The following LNX2 variants were observed in gnomAD, a reference collection of about 807,000 sequenced individuals.
The protein encoded by LNX2 is ligand of Numb protein X 2.
A neutral mutation model predicts 66.2 loss-of-function variants in LNX2; 35 were observed. That is an observed-to-expected ratio of 0.53 (90% CI 0.40 to 0.70). The LOEUF is 0.70. Ranked by LOEUF, LNX2 falls within the 30% of genes least tolerant of loss-of-function variation. LNX2 has a pLI of 0.00. For synonymous variants in LNX2, 337 were observed against 315.6 expected, an observed-to-expected ratio of 1.07 and a Z score of -0.72; for missense variants, 791 against 850.8, an observed-to-expected ratio of 0.93 and a Z score of 0.87.
At position 27,595,977 on chromosome 13, in the gene LNX2, C is replaced by T. The variant is rs575222208; in HGVS notation, c.-100-14174G>A. ...TGCTAAGACGAAGCCAACACTGAGG[C>T]TCAGAAAAGGAACAAGTAGGTGGCT... is the stretch of plus-strand genomic sequence containing the variant. On this transcript the variant is annotated intron_variant, in intron 1 of 9. Transcript: ENST00000316334. Among the ~76,000 whole-genome samples the T allele has an allele frequency of 3.9e-5, 6 of 152,242 alleles. No individual in the cohort carries two copies. In the East Asian group the frequency reaches 1.2e-3, roughly 29 times the overall value.
intron 1 of LNX2, among the ~76,000 whole-genome samples, chr13:27,583,736 G>C (rs1286663297): frequency 1.3e-5 from 2 of 152,150 alleles, no homozygotes; most frequent in Non-Finnish European, 2.9e-5. Flanking sequence ...AGAGACTCTA[G>C]AATGTACCAA....
chr13:27,616,422 T>C (rs1241828712), intron 1 of LNX2, among the ~76,000 whole-genome samples: 1 of 152,158 alleles, frequency 6.6e-6, no homozygotes, highest in Non-Finnish European at 1.5e-5. Context: ...TTAATGTTAA[T>C]GTCAGAGAGG....
Position 27,549,534 on chromosome 13 carries a change from T to A in LNX2, c.1937+799A>T, listed in dbSNP as rs1417258381. ...ATCTAGAGCCAGATAGTCCTGGGTT[T>A]GAATGCCAGCCAACCACTTTCAGCT... On this transcript the variant is annotated intron_variant, in intron 9 of 9. Transcript: ENST00000316334. Among the ~76,000 whole-genome samples, 26 of 152,192 alleles carry A rather than the reference T, an allele frequency of 1.7e-4. 1 individual carries two copies. Among genetic ancestry groups the A allele is most frequent in the Admixed American group, 1.7e-3 (26 of 15,278 alleles).
intron 1 of LNX2, among the ~76,000 whole-genome samples, chr13:27,608,797 T>TTTTTGTTTTGTTTTGTCTTGTTTTG (rs1955744295): frequency 6.6e-6 from 1 of 150,860 alleles, no homozygotes; most frequent in Non-Finnish European, 1.5e-5. Context: ...TTCTTTGAGT[T>TTTTTGTTTTGTTTTGTCTTGTTTTG]TTTTGTTTTG....
intron 1 of LNX2, among the ~76,000 whole-genome samples, chr13:27,610,333 A>C (rs1472181381): frequency 6.6e-6 from 1 of 152,264 alleles, no homozygotes; most frequent in Non-Finnish European, 1.5e-5. Flanking sequence ...TATACTATGA[A>C]GCAGCTGAAA....
Position 27,553,377 on chromosome 13 carries a change from C to T in LNX2, c.1609G>A (p.Ala537Thr). ...LTNLSHSEAV[A>T]MLKASAASPA... Reference sequence around the variant, plus strand: ...GACGCGGCACTGGCTTTCAGCATTGCAACTGCCTCACTGTGACTTAAATTG... The same window carrying T: ...GACGCGGCACTGGCTTTCAGCATTGTAACTGCCTCACTGTGACTTAAATTG... The change falls in exon 8 of 10, where the codon GCA (alanine) becomes ACA (threonine). Residue 537 changes from alanine to threonine, a missense_variant. Physicochemically the swap from Ala to Thr is moderately conservative, Grantham distance 58 (BLOSUM62 0). Coordinates refer to ENST00000316334, the MANE Select transcript of LNX2 (RefSeq NM_153371.4). 6.2e-7 allele frequency: 1 copy of T among 1,614,168 alleles called. No individual in the cohort carries two copies. Among genetic ancestry groups the T allele is most frequent in the Non-Finnish European group, 8.5e-7 (1 of 1,180,030 alleles).
intron 1 of LNX2, among the ~76,000 whole-genome samples, chr13:27,615,337 C>T (rs754391631): frequency 8.5e-5 from 13 of 152,208 alleles, no homozygotes; most frequent in Non-Finnish European, 1.9e-4. Flanking sequence ...GGGCGAGGTA[C>T]GGGGAAGGGG....
intron 2 of LNX2, among the ~76,000 whole-genome samples, chr13:27,572,560 C>T (rs1955294933): frequency 6.6e-6 from 1 of 152,196 alleles, no homozygotes; most frequent in Admixed American, 6.5e-5. Flanking sequence ...GCTCTTGCAG[C>T]AGCCAAGACC....
intron 2 of LNX2, 111 bp downstream of exon 2, chr13:27,581,186 C>T (rs1955392560): frequency 1.4e-6 from 1 of 709,334 alleles, no homozygotes; most frequent in Non-Finnish European, 2.2e-6. Flanking sequence ...ACTTGATTCA[C>T]CCATTTACTT....
chr13:27,580,194 G>C (rs541142450), intron 2 of LNX2, among the ~76,000 whole-genome samples: 2 of 152,172 alleles, frequency 1.3e-5, no homozygotes, highest in East Asian at 3.9e-4. Context: ...CTTGACCTAC[G>C]ATAGAGTCAA....
chr13:27,591,114 T>C (rs1433556638), intron 1 of LNX2, among the ~76,000 whole-genome samples: 2 of 152,180 alleles, frequency 1.3e-5, no homozygotes, highest in African/African-American at 2.4e-5. Flanking sequence ...AAATAGACAA[T>C]GGCCTCAGGG....
chr13:27,548,436 A>G lies in LNX2; in HGVS notation c.1972T>C (p.Ser658Pro). 1 of 1,614,136 alleles carries G rather than the reference A, an allele frequency of 6.2e-7. No individual in the cohort carries two copies. Among genetic ancestry groups the G allele is most frequent in the Non-Finnish European group, 8.5e-7 (1 of 1,179,998 alleles). Reference protein sequence around the residue: ...GDMIVAVNGLSTVGMSHSALV... With the variant: ...GDMIVAVNGLPTVGMSHSALV... ...GCAGAGTGGCTCATGCCCACGGTTG[A>G]CAGCCCATTTACGGCCACAATCATG... The change falls in exon 10 of 10, where the codon TCA becomes CCA. Residue 658 changes from serine to proline, a missense_variant. Ser to Pro is a moderately conservative substitution (Grantham distance 74, BLOSUM62 -1). Coordinates refer to ENST00000316334, the MANE Select transcript of LNX2 (RefSeq NM_153371.4).
chr13:27,554,308 A>G (rs1955035400), intron 7 of LNX2, among the ~76,000 whole-genome samples: 1 of 152,204 alleles, frequency 6.6e-6, no homozygotes, highest in African/African-American at 2.4e-5. Flanking sequence ...CATTTAAAGA[A>G]CATAATTTTA....
At chr13:27,554,555 T>C (rs143110782) in intron 7 of LNX2, among the ~76,000 whole-genome samples, 1 of 152,360 alleles carries the variant, frequency 6.6e-6, no homozygotes, top group East Asian at 1.9e-4. Flanking sequence ...TTGTAATTTG[T>C]GCCAGTACTT....
At chr13:27,572,656 G>A (rs71433234) in intron 2 of LNX2, among the ~76,000 whole-genome samples, 15,411 of 152,166 alleles carry the variant, frequency 0.1, 825 homozygotes, top group Middle Eastern at 0.12. Context: ...AATTATATAT[G>A]GACTAATTTG....
Position 27,569,020 on chromosome 13 carries a change from C to T in LNX2, c.655+9G>A, listed in dbSNP as rs369231368. 2.4e-5 allele frequency: 39 copies of T among 1,609,246 alleles called. No individual in the cohort carries two copies. Among genetic ancestry groups the T allele is most frequent in the African/African-American group, 1.7e-4 (13 of 74,474 alleles). On this transcript the variant is annotated intron_variant, in intron 3 of 9. Transcript: ENST00000316334. ...AGATGAAATACACAAGGAGTTGCAC[C>T]ACACATACTGTCAGCTCCAGCGCTC...
intron 4 of LNX2, among the ~76,000 whole-genome samples, chr13:27,563,320 C>A (rs1178456179): frequency 1.3e-5 from 2 of 152,118 alleles, no homozygotes; most frequent in African/African-American, 2.4e-5. Context: ...GGTATACAAA[C>A]TTATTTTAGA....
At chr13:27,582,394 T>C (rs73446873) in intron 1 of LNX2, among the ~76,000 whole-genome samples, 88 of 152,314 alleles carry the variant, frequency 5.8e-4, no homozygotes, top group African/African-American at 2.1e-3. Flanking sequence ...GATTATATAG[T>C]GTGACATAAG....
At chr13:27,610,721 C>T (rs774375086) in intron 1 of LNX2, among the ~76,000 whole-genome samples, 4 of 152,016 alleles carry the variant, frequency 2.6e-5, no homozygotes, top group Non-Finnish European at 4.4e-5. Context: ...ATTTGCAAAT[C>T]GTATCTGATA....
Sources: gnomAD v4.1 joint callset for allele counts (sites outside exome capture counted in the v4.1 genomes callset) on GRCh38, gnomAD v4.1.1 for gene constraint, MANE v1.5 for transcripts, NCBI Gene and HGNC (gene_info 2026-07-23, HGNC 2026-07-21) for gene names.